ITGBL1: variants seen among roughly 807,000 people sequenced by gnomAD.
The protein encoded by ITGBL1 is integrin beta-like protein 1.
In ITGBL1, 51 loss-of-function variants were observed where a neutral mutation model predicts 68.5. The observed-to-expected ratio is 0.74, with a 90% CI of 0.59 to 0.94. The LOEUF is 0.94. Ranked by LOEUF, ITGBL1 falls within the 40% of genes least tolerant of loss-of-function variation. The pLI is 0.00. For synonymous variants in ITGBL1, 209 were observed against 227.3 expected (o/e 0.92, Z 0.72); for missense variants, 649 against 647.4 (o/e 1.00, Z -0.03).
chr13:101,619,036 G>A (rs559755550), intron 7 of ITGBL1, among the ~76,000 whole-genome samples: 1 of 152,108 alleles, frequency 6.6e-6, no homozygotes, highest in Admixed American at 6.6e-5. Context: ...CTTCTGAGCA[G>A]ACCACAGTTT....
At chr13:101,606,648 G>C (rs553507922) in intron 7 of ITGBL1, among the ~76,000 whole-genome samples, 2 of 152,096 alleles carry the variant, frequency 1.3e-5, no homozygotes, top group South Asian at 4.1e-4. Context: ...CATCTGAGCA[G>C]AAGCTATAAG....
intron 2 of ITGBL1, among the ~76,000 whole-genome samples, chr13:101,491,243 A>G (rs1283778331): frequency 6.6e-6 from 1 of 152,086 alleles, no homozygotes; most frequent in African/African-American, 2.4e-5. Flanking sequence ...AGGTCAGGAG[A>G]TAGGGTTTGT....
chr13:101,628,347 T>C (rs1471049809), intron 7 of ITGBL1, among the ~76,000 whole-genome samples: 1 of 152,182 alleles, frequency 6.6e-6, no homozygotes, highest in African/African-American at 2.4e-5. Context: ...AACAGAACTT[T>C]ATCAGATATG....
At chr13:101,647,732 G>A (rs1015511009) in intron 7 of ITGBL1, among the ~76,000 whole-genome samples, 1 of 152,160 alleles carries the variant, frequency 6.6e-6, no homozygotes, top group Non-Finnish European at 1.5e-5. Context: ...AGAAGGTTGA[G>A]ACTTTTAAAG....
At position 101,646,621 on chromosome 13, in the gene ITGBL1, C is replaced by A. The variant is rs77905732; in HGVS notation, c.1016-45964C>A. ...AAGTAGTTTTATTTTACAGAGTCTACCTCAGTAAATGCTACAAAATGCAAA... is the reference window on the plus strand; with the variant it reads ...AAGTAGTTTTATTTTACAGAGTCTAACTCAGTAAATGCTACAAAATGCAAA... On this transcript the variant is annotated intron_variant, in intron 7 of 10. Transcript: ENST00000376180. Among the ~76,000 whole-genome samples, 445 of 152,028 alleles carry A rather than the reference C, an allele frequency of 2.9e-3. 3 individuals are homozygous for A. Among genetic ancestry groups the A allele is most frequent in the African/African-American group, 9.5e-3 (395 of 41,488 alleles).
chr13:101,644,534 G>A (rs1185073165), intron 7 of ITGBL1, among the ~76,000 whole-genome samples: 1 of 152,106 alleles, frequency 6.6e-6, no homozygotes, highest in Non-Finnish European at 1.5e-5. Context: ...ATTACAGCAG[G>A]AAAATGAAGT....
At chr13:101,563,118 A>G (rs971977868) in intron 2 of ITGBL1, among the ~76,000 whole-genome samples, 31 of 151,254 alleles carry the variant, frequency 2.0e-4, no homozygotes, top group African/African-American at 7.5e-4. Context: ...AATAAAATAT[A>G]ACATATCAAA....
At chr13:101,475,934 T>C (rs1277039093) in intron 2 of ITGBL1, among the ~76,000 whole-genome samples, 3 of 152,172 alleles carry the variant, frequency 2.0e-5, no homozygotes, top group African/African-American at 7.2e-5. Flanking sequence ...ATATCAGATG[T>C]GTCCTATGGG....
rs372022794 is a variant in ITGBL1 at position 101,680,282 on chromosome 13, T to C, written c.1016-12303T>C. Among the ~76,000 whole-genome samples the C allele has an allele frequency of 2.0e-5, 3 of 152,334 alleles. No individual in the cohort carries two copies. The East Asian group carries it at 5.8e-4, about 29-fold the overall frequency. ...GGCGCTTTCTCTAGTGCAATCAGGTTGCTATGGCAAACCTATTATTTTAGG... is the reference window on the plus strand; with the variant it reads ...GGCGCTTTCTCTAGTGCAATCAGGTCGCTATGGCAAACCTATTATTTTAGG... On this transcript the variant is annotated intron_variant, in intron 7 of 10. Coordinates refer to ENST00000376180, the MANE Select transcript of ITGBL1 (RefSeq NM_004791.3).
At chr13:101,529,366 A>G (rs9300675) in intron 2 of ITGBL1, among the ~76,000 whole-genome samples, 22,334 of 152,140 alleles carry the variant, frequency 0.15, 2,136 homozygotes, top group African/African-American at 0.26. Context: ...CTACGTGTTG[A>G]AACAGCATAC....
At chr13:101,657,668 G>C (rs1266864341) in intron 7 of ITGBL1, among the ~76,000 whole-genome samples, 1 of 152,176 alleles carries the variant, frequency 6.6e-6, no homozygotes, top group Non-Finnish European at 1.5e-5. Context: ...TCATATTGCA[G>C]GGTAATATTC....
At chr13:101,542,269 T>G (rs2049721586) in intron 2 of ITGBL1, among the ~76,000 whole-genome samples, 1 of 152,200 alleles carries the variant, frequency 6.6e-6, no homozygotes, top group Non-Finnish European at 1.5e-5. Context: ...TTGTTCTCAT[T>G]GGTTTCAAAG....
At chr13:101,558,748 A>G (rs945820907) in intron 2 of ITGBL1, among the ~76,000 whole-genome samples, 3 of 152,222 alleles carry the variant, frequency 2.0e-5, no homozygotes, top group African/African-American at 7.2e-5. Context: ...TTCTGATCTC[A>G]TATACATTTT....
intron 6 of ITGBL1, among the ~76,000 whole-genome samples, chr13:101,584,459 A>G (rs1403842836): frequency 6.6e-6 from 1 of 152,230 alleles, no homozygotes; most frequent in Non-Finnish European, 1.5e-5. Context: ...TGGTGCATGC[A>G]GATGGATAGA....
intron 3 of ITGBL1, among the ~76,000 whole-genome samples, chr13:101,568,267 G>A (rs1036777797): frequency 6.6e-5 from 10 of 151,976 alleles, no homozygotes; most frequent in Admixed American, 2.0e-4. Flanking sequence ...CAGATATACT[G>A]GTTATAAAGC....
intron 2 of ITGBL1, among the ~76,000 whole-genome samples, chr13:101,557,171 G>A (rs1449052954): frequency 6.6e-6 from 1 of 152,142 alleles, no homozygotes; most frequent in Non-Finnish European, 1.5e-5. Flanking sequence ...GATGAAGAAC[G>A]CAGCACTGTC....
In ITGBL1 at chr13:101,706,053, T is replaced by TG. The variant is rs1459228112; in HGVS notation, c.1133-701dup. 2.6e-5 allele frequency among the ~76,000 whole-genome samples: 4 copies of TG among 152,180 alleles called. No individual in the cohort carries two copies. In the East Asian group the frequency reaches 7.7e-4, roughly 29 times the overall value. Reference sequence around the variant, plus strand: ...ATCATGCAATCTAATGGTGTGTTGGTGGCAGGCAATAAACAGGTGTACATC... The same window carrying TG: ...ATCATGCAATCTAATGGTGTGTTGGTGGGCAGGCAATAAACAGGTGTACATC... On this transcript the variant is annotated intron_variant, in intron 8 of 10. Coordinates refer to ENST00000376180, the MANE Select transcript of ITGBL1 (RefSeq NM_004791.3).
At chr13:101,560,029 T>C (rs1029788071) in intron 2 of ITGBL1, among the ~76,000 whole-genome samples, 3 of 151,976 alleles carry the variant, frequency 2.0e-5, no homozygotes, top group African/African-American at 7.3e-5. Flanking sequence ...CTAAGGAACA[T>C]TTTTTTTCTC....
intron 2 of ITGBL1, among the ~76,000 whole-genome samples, chr13:101,512,460 C>T (rs9585719): frequency 0.37 from 56,001 of 152,030 alleles, 10,910 homozygotes; most frequent in Non-Finnish European, 0.43. Context: ...TTATGTTTCA[C>T]AAATTTATTT....
Sources: allele counts gnomAD v4.1 joint callset (sites outside exome capture counted in the v4.1 genomes callset), GRCh38; gene constraint gnomAD v4.1.1; transcripts MANE v1.5; gene names NCBI Gene and HGNC (gene_info 2026-07-23, HGNC 2026-07-21).